Variants in SMC4 observed in about 807,000 individuals in gnomAD.
SMC4 encodes the protein structural maintenance of chromosomes 4.
A neutral mutation model predicts 145.6 loss-of-function variants in SMC4; 87 were observed. The observed-to-expected ratio is 0.60, with a 90% confidence interval of 0.50 to 0.71. The LOEUF is 0.71. Among genes scored for constraint, SMC4 ranks in the 30% least tolerant of loss-of-function variants. SMC4 has a pLI of 0.00. For synonymous variants in SMC4, 558 were observed against 500.7 expected (o/e 1.11, Z -1.53); for missense variants, 1,447 against 1,537.1 (o/e 0.94, Z 0.98).
intron 17 of SMC4, among the ~76,000 whole-genome samples, chr3:160,427,539 GGA>G (rs1279439182): frequency 1.3e-5 from 2 of 152,138 alleles, no homozygotes; most frequent in Non-Finnish European, 2.9e-5. Context: ...ACATTTTCAT[GGA>G]GAGACTGCAA....
Position 160,433,808 on chromosome 3 carries a change from G to C in SMC4, c.3866G>C (p.Ter1289SerextTer4). The change falls in exon 24 of 24, where the codon TGA (stop) becomes TCA (serine). Residue 1289 changes from the stop codon to serine, a stop_lost. Transcript: ENST00000357388. ...GAAATTGCATCTAAGGGACTTTGTT[G>C]AACTTTATGCTGAAGATTCTTCAAG... The part of the protein sequence containing the change: ...PKEIASKGLC[*>S] The C allele has an allele frequency of 6.3e-7, 1 of 1,599,822 alleles. No individual in the cohort carries two copies. Among genetic ancestry groups the C allele is most frequent in the Non-Finnish European group, 8.5e-7 (1 of 1,174,928 alleles).
In SMC4 at chr3:160,414,442, A is replaced by C; in HGVS notation, c.1197A>C (p.Gln399His). ...CACAGCTAGATTTGGAAGATGTTCA[A>C]GTTAGAGAAAAGTTAAAACATGCCA... Reference protein sequence around the residue: ...KFTQLDLEDVQVREKLKHATS... With the variant: ...KFTQLDLEDVHVREKLKHATS... Residue 399 changes from glutamine (Q) to histidine (H), a missense_variant, in exon 9 of 24, where the codon CAA (glutamine) becomes CAC (histidine). Physicochemically the swap from Gln to His is conservative, Grantham distance 24. Transcript: ENST00000357388. 6.2e-7 allele frequency: 1 copy of C among 1,610,980 alleles called. No homozygotes were observed.
intron 15 of SMC4, 89 bp from the exon 16 acceptor site, chr3:160,424,778 C>G: frequency 6.7e-7 from 1 of 1,491,274 alleles, no homozygotes; most frequent in Non-Finnish European, 9.2e-7. Flanking sequence ...CCATTGCACT[C>G]CAGCCTGGGC....
intron 19 of SMC4, 144 bp from the exon 20 acceptor site, chr3:160,430,888 T>A (rs575407795): frequency 2.4e-6 from 3 of 1,229,904 alleles, no homozygotes; most frequent in Admixed American, 5.7e-5. Flanking sequence ...ACAATAAGAA[T>A]ACTATAATTT....
At chr3:160,410,557 C>T (rs1272699498) in intron 5 of SMC4, among the ~76,000 whole-genome samples, 1 of 152,150 alleles carries the variant, frequency 6.6e-6, no homozygotes, top group Non-Finnish European at 1.5e-5. Context: ...CCGATTCATA[C>T]ATAATATAAT....
intron 14 of SMC4, 31 bp downstream of exon 14, chr3:160,423,681 T>C (rs368046611): frequency 1.3e-6 from 2 of 1,598,746 alleles, no homozygotes; most frequent in Non-Finnish European, 8.5e-7. Flanking sequence ...TGGTTTGTTT[T>C]TTTTTCCCCC....
intron 21 of SMC4, 62 bp downstream of exon 21, chr3:160,431,887 G>C: frequency 2.7e-6 from 4 of 1,495,814 alleles, no homozygotes; most frequent in Non-Finnish European, 3.6e-6. Flanking sequence ...CCTAAATTCT[G>C]ATCTTTAGTT....
Position 160,433,664 on chromosome 3 carries a change from CAAA to C in SMC4, c.3726_3728del (p.Lys1242del). 1 of 1,537,580 alleles carries C rather than the reference CAAA, an allele frequency of 6.5e-7. No homozygotes were observed. The highest frequency in any genetic ancestry group is 8.8e-7 in the Non-Finnish European group (1 of 1,140,986). On this transcript the variant is annotated inframe_deletion, in exon 24 of 24. Transcript: ENST00000357388. ...TTCTTTGTTTCTCTTTAGGAACAAA[CAAA>C]AAATGCACAGTTCATAATAATTTCT... is the stretch of plus-strand genomic sequence containing the variant.
chr3:160,433,771 G>A lies in SMC4; in HGVS notation c.3829G>A (p.Val1277Ile), dbSNP rs924825827. 10 of 1,602,926 alleles carry A rather than the reference G, an allele frequency of 6.2e-6. No individual in the cohort carries two copies. The highest frequency in any genetic ancestry group is 1.3e-5 in the African/African-American group (1 of 74,420). ...KTYNITKSVA[V>I]NPKEIASKGL... is the part of the protein sequence containing the mutation. Reference sequence around the variant, plus strand: ...ATACAACATAACAAAAAGTGTTGCTGTAAATCCAAAAGAAATTGCATCTAA... The same window carrying A: ...ATACAACATAACAAAAAGTGTTGCTATAAATCCAAAAGAAATTGCATCTAA... Residue 1277 changes from valine to isoleucine, a missense_variant, in exon 24 of 24, where the codon GTA (valine) becomes ATA (isoleucine). Val to Ile is a conservative substitution (Grantham distance 29). Coordinates refer to ENST00000357388, the MANE Select transcript of SMC4 (RefSeq NM_001002800.3).
In SMC4 at chr3:160,416,393, A is replaced by G. The variant is rs1376282671; in HGVS notation, c.1415A>G (p.Gln472Arg). 1.3e-6 allele frequency: 2 copies of G among 1,508,348 alleles called. No individual in the cohort carries two copies. The highest frequency in any genetic ancestry group is 1.8e-6 in the Non-Finnish European group (2 of 1,130,500). 93.4% of individuals were successfully genotyped at this position (1,508,348 alleles called of 1,614,324 possible). A position where few individuals can be genotyped will look rare whatever the true frequency, so the allele number is the denominator to read the frequency against. The change falls in exon 10 of 24, where the codon CAA (glutamine) becomes CGA (arginine). Residue 472 changes from glutamine (Q) to arginine (R), a missense_variant. Physicochemically the swap from Gln to Arg is conservative, Grantham distance 43 (BLOSUM62 1). Transcript: ENST00000357388. Reference sequence around the variant, plus strand: ...ATGGATAGCCTTAAACAGGAAACACAAGGGCTTCAGAAAGAAAAAGAAGTA... The same window carrying G: ...ATGGATAGCCTTAAACAGGAAACACGAGGGCTTCAGAAAGAAAAAGAAGTA... ...EVMDSLKQET[Q>R]GLQKEKESRE...
At chr3:160,403,074 G>C (rs1714889077) in intron 4 of SMC4, among the ~76,000 whole-genome samples, 1 of 152,088 alleles carries the variant, frequency 6.6e-6, no homozygotes, top group Admixed American at 6.5e-5. Flanking sequence ...AGTATAAATA[G>C]TTCATAGTAA....
intron 5 of SMC4, among the ~76,000 whole-genome samples, chr3:160,406,663 A>G (rs190358816): frequency 2.0e-5 from 3 of 152,304 alleles, no homozygotes; most frequent in East Asian, 3.9e-4. Flanking sequence ...TTTAGTAAAA[A>G]TAAACATTTA....
chr3:160,414,454 G>C lies in SMC4; in HGVS notation c.1209G>C (p.Lys403Asn). The change falls in exon 9 of 24, where the codon AAG becomes AAC. Residue 403 changes from lysine (K) to asparagine (N), a missense_variant. Lys to Asn is a moderately conservative substitution (Grantham distance 94). Transcript: ENST00000357388. Reference protein sequence around the residue: ...LDLEDVQVREKLKHATSKAKK... With the variant: ...LDLEDVQVRENLKHATSKAKK... ...TGGAAGATGTTCAAGTTAGAGAAAA[G>C]TTAAAACATGCCACGAGTAAAGCCA... The C allele has an allele frequency of 1.9e-6, 3 of 1,611,334 alleles. No homozygotes were observed. Among genetic ancestry groups the C allele is most frequent in the Non-Finnish European group, 2.5e-6 (3 of 1,179,348 alleles).
rs558331262 is a variant in SMC4, at chr3:160,420,831, T to C, written c.1949T>C (p.Ile650Thr). 1.9e-4 allele frequency: 306 copies of C among 1,614,100 alleles called. 6 individuals are homozygous for C. The South Asian group carries it at 3.1e-3, about 16-fold the overall frequency. ...LDYIVVDSID[I>T]AQECVNFLKR... ...TACATTGTTGTTGATTCTATTGATA[T>C]AGCCCAAGAATGTGTAAACTTCCTT... Residue 650 changes from isoleucine (I) to threonine (T), a missense_variant, in exon 13 of 24, where the codon ATA becomes ACA. Physicochemically the swap from Ile to Thr is moderately conservative, Grantham distance 89. Transcript: ENST00000357388.
intron 23 of SMC4, 112 bp from the exon 24 acceptor site, chr3:160,433,545 C>A: frequency 1.5e-6 from 1 of 647,886 alleles, no homozygotes; most frequent in Non-Finnish European, 2.6e-6. Flanking sequence ...TGCCATCATT[C>A]CTTTACATGT....
chr3:160,412,001 A>C lies in SMC4; in HGVS notation c.769A>C (p.Ile257Leu). ...DEGMLEYLEDIIGCGRLNEPI... is the reference protein window; with the variant it reads ...DEGMLEYLEDLIGCGRLNEPI... ...GGGTATGCTTGAATATTTAGAAGAT[A>C]TAATTGGTTGTGGACGGCTAAATGA... The change falls in exon 6 of 24, where the codon ATA (isoleucine) becomes CTA (leucine). Residue 257 changes from isoleucine to leucine, a missense_variant. Coordinates refer to ENST00000357388, the MANE Select transcript of SMC4 (RefSeq NM_001002800.3). The C allele has an allele frequency of 1.2e-6, 2 of 1,613,738 alleles. No individual in the cohort carries two copies. Among genetic ancestry groups the C allele is most frequent in the East Asian group, 2.2e-5 (1 of 44,768 alleles).
In SMC4 at chr3:160,417,836, G is replaced by C. The variant is rs370755042; in HGVS notation, c.1551G>C (p.Val517=). 3.1e-6 allele frequency: 5 copies of C among 1,613,600 alleles called. No individual in the cohort carries two copies. In the African/African-American group the frequency reaches 4.0e-5, roughly 13 times the overall value. ...ATCTCAGTCGTCATAATACTGCAGTGTCTCAATTAACTAAGGCTAAGGAAG... is the reference window on the plus strand; with the variant it reads ...ATCTCAGTCGTCATAATACTGCAGTCTCTCAATTAACTAAGGCTAAGGAAG... ...DIYLSRHNTA[V]SQLTKAKEAL... is the part of the protein sequence containing the mutation. The change falls in exon 11 of 24, where the codon GTG becomes GTC. Residue 517 remains valine, a synonymous_variant. Coordinates refer to ENST00000357388, the MANE Select transcript of SMC4 (RefSeq NM_001002800.3).
intron 7 of SMC4, 196 bp downstream of exon 7, chr3:160,412,649 G>C: frequency 9.8e-6 from 11 of 1,117,932 alleles, no homozygotes; most frequent in South Asian, 6.5e-5. Context: ...ATCACTTGAG[G>C]CTGGGAGTTC....
chr3:160,420,635 T>C (rs1190966931), intron 12 of SMC4, 105 bp from the exon 13 acceptor site: 1 of 1,155,388 alleles, frequency 8.7e-7, no homozygotes, highest in African/African-American at 1.6e-5. Context: ...TAAAACCATG[T>C]CTACATAAAG....
Sources: allele counts gnomAD v4.1 joint callset (sites outside exome capture counted in the v4.1 genomes callset), GRCh38; gene constraint gnomAD v4.1.1; transcripts MANE v1.5; gene names NCBI Gene and HGNC (gene_info 2026-07-23, HGNC 2026-07-21).